COX18: variants seen among roughly 807,000 people sequenced by gnomAD.
COX18 encodes the protein cytochrome c oxidase assembly factor COX18.
Under a neutral mutation model 38.0 loss-of-function variants are expected in COX18, and 45 were observed. The observed-to-expected ratio is 1.18, with a 90% CI of 0.93 to 1.52. COX18 has a LOEUF of 1.52. Ranked by LOEUF, COX18 falls within the 40% of genes most tolerant of loss-of-function variation. The pLI is 0.00. For missense variants in COX18, 462 were observed against 423.8 expected, an observed-to-expected ratio of 1.09 and a Z score of -0.79; for synonymous variants, 177 against 169.8, an observed-to-expected ratio of 1.04 and a Z score of -0.33.
At chr4:73,061,637 G>C (rs1720160312) in intron 5 of COX18, among the ~76,000 whole-genome samples, 176 bp downstream of exon 5, 1 of 151,130 alleles carries the variant, frequency 6.6e-6, no homozygotes, top group Non-Finnish European at 1.5e-5. Context: ...GAACCCAGGA[G>C]GCGGAGCTTG....
Position 73,057,239 on chromosome 4 carries a change from C to T in COX18, c.*875G>A, listed in dbSNP as rs1719939863. The stretch of plus-strand genomic sequence containing the variant: ...GTCAGCAGTTCCAGACCAGCCTGTC[C>T]AACATGGTGAAACCCCATCTCTACT... On this transcript the variant is annotated 3_prime_UTR_variant, in exon 6 of 6. Coordinates refer to ENST00000507544, the MANE Select transcript of COX18 (RefSeq NM_001297732.2). 1 of 152,084 alleles carries T rather than the reference C, an allele frequency of 6.6e-6. No individual in the cohort carries two copies. Among genetic ancestry groups the T allele is most frequent in the Admixed American group, 6.6e-5 (1 of 15,250 alleles). 9.4% of individuals were successfully genotyped at this position (152,084 alleles called of 1,614,324 possible). A position where few individuals can be genotyped will look rare whatever the true frequency, so the allele number is the denominator to read the frequency against.
chr4:73,065,780 C>T (rs1021288387), intron 2 of COX18, among the ~76,000 whole-genome samples: 4 of 152,164 alleles, frequency 2.6e-5, no homozygotes, highest in African/African-American at 9.7e-5. Context: ...CTCTCCACTC[C>T]CGCCAAACTT....
chr4:73,065,494 C>T (rs1230585968), intron 2 of COX18, 81 bp from the exon 3 acceptor site: 13 of 1,227,696 alleles, frequency 1.1e-5, no homozygotes, highest in South Asian at 8.4e-5. Context: ...GCACAAATAG[C>T]GCCTGCTGTA....
chr4:73,067,669 C>T (rs1288139450), intron 2 of COX18, among the ~76,000 whole-genome samples: 3 of 150,014 alleles, frequency 2.0e-5, no homozygotes, highest in Non-Finnish European at 3.0e-5. Context: ...GGAGAAACCC[C>T]ATCTCTACTA....
intron 5 of COX18, among the ~76,000 whole-genome samples, chr4:73,059,837 C>T (rs1246338306): frequency 1.3e-5 from 2 of 151,982 alleles, no homozygotes; most frequent in Non-Finnish European, 2.9e-5. Context: ...CTATAAGTTG[C>T]CAGCTAAGTA....
At chr4:73,065,142 A>G (rs1720372012) in intron 3 of COX18, 108 bp downstream of exon 3, 2 of 1,089,312 alleles carry the variant, frequency 1.8e-6, no homozygotes, top group African/African-American at 3.2e-5. Flanking sequence ...TAAGGAAGAT[A>G]GTAAACATAT....
chr4:73,061,581 G>A (rs1167071557), intron 5 of COX18, among the ~76,000 whole-genome samples: 2 of 152,016 alleles, frequency 1.3e-5, no homozygotes, highest in African/African-American at 2.4e-5. Flanking sequence ...GGTGGCAGGC[G>A]CCTGTAGTCC....
Position 73,054,348 on chromosome 4 carries a change from A to C in COX18, c.*3766T>G, listed in dbSNP as rs1163453978. The stretch of plus-strand genomic sequence containing the variant: ...CTTGCAATTTTCTGAAATACAATAC[A>C]GATTTTTTGCTCTTTACTAAAAAAA... On this transcript the variant is annotated 3_prime_UTR_variant, in exon 6 of 6. Transcript: ENST00000507544. 6.6e-6 allele frequency: 1 copy of C among 152,228 alleles called. No individual in the cohort carries two copies. Among genetic ancestry groups the C allele is most frequent in the African/African-American group, 2.4e-5 (1 of 41,456 alleles). The allele number at this position is 152,228 out of a possible 1,614,324, so 9.4% of individuals were successfully genotyped here. A position where few individuals can be genotyped will look rare whatever the true frequency, so the allele number is the denominator to read the frequency against.
intron 5 of COX18, 63 bp downstream of exon 5, chr4:73,061,750 C>T: frequency 1.1e-6 from 1 of 888,956 alleles, no homozygotes; most frequent in Non-Finnish European, 1.8e-6. Context: ...GGATCCCAGC[C>T]AGTCTAAGCT....
chr4:73,069,416 C>A lies in COX18; in HGVS notation c.234G>T (p.Thr78=). 6.4e-7 allele frequency: 1 copy of A among 1,571,502 alleles called. No homozygotes were observed. The highest frequency in any genetic ancestry group is 1.3e-5 in the African/African-American group (1 of 74,192). ...EEVLLGVHAA[T]GLPWWGSILL... is the part of the protein sequence containing the mutation. The stretch of plus-strand genomic sequence containing the variant: ...GAATGCTGCCCCACCAGGGCAGGCC[C>A]GTGGCGGCGTGCACGCCGAGCAGTA... The change falls in exon 1 of 6, where the codon ACG becomes ACT. Residue 78 remains threonine, a synonymous_variant. Coordinates refer to ENST00000507544, the MANE Select transcript of COX18 (RefSeq NM_001297732.2).
chr4:73,068,797 G>C (rs772139911), intron 1 of COX18: 2 of 153,310 alleles, frequency 1.3e-5, no homozygotes, highest in African/African-American at 2.4e-5. Flanking sequence ...TCAGAAAAAA[G>C]GATTCAGCAT....
At chr4:73,062,730 G>T (rs1720236772) in intron 4 of COX18, among the ~76,000 whole-genome samples, 1 of 151,612 alleles carries the variant, frequency 6.6e-6, no homozygotes, top group Non-Finnish European at 1.5e-5. Flanking sequence ...CTATTCAGGA[G>T]GGAGGCTGAG....
Position 73,053,657 on chromosome 4 carries a change from T to G in COX18, c.*4457A>C, listed in dbSNP as rs546035323. The stretch of plus-strand genomic sequence containing the variant: ...GAAGATATGGTCTTTAGCTCTTAAG[T>G]GCTGTTAAAGGTACCTGAAAAGTCT... On this transcript the variant is annotated 3_prime_UTR_variant, in exon 6 of 6. Coordinates refer to ENST00000507544, the MANE Select transcript of COX18 (RefSeq NM_001297732.2). The G allele has an allele frequency of 6.6e-6, 1 of 152,194 alleles. No homozygotes were observed. Among genetic ancestry groups the G allele is most frequent in the South Asian group, 2.1e-4 (1 of 4,828 alleles). 9.4% of individuals were successfully genotyped at this position (152,194 alleles called of 1,614,324 possible). A position where few individuals can be genotyped will look rare whatever the true frequency, so the allele number is the denominator to read the frequency against.
rs11455318 is a variant in COX18 at position 73,054,092 on chromosome 4, T to TG, written c.*4021dup. ...ACGAGAAGGGTGGGTAACACCCCTG[T>TG]GGGGAAGGGTAACACAAACATTACA... is the stretch of plus-strand genomic sequence containing the variant. On this transcript the variant is annotated 3_prime_UTR_variant, in exon 6 of 6. Coordinates refer to ENST00000507544, the MANE Select transcript of COX18 (RefSeq NM_001297732.2). 67,410 of 151,936 alleles carry TG rather than the reference T, an allele frequency of 0.44. 15,116 individuals are homozygous for TG. The highest frequency in any genetic ancestry group is 0.52 in the Admixed American group (7,880 of 15,264). 9.4% of individuals were successfully genotyped at this position (151,936 alleles called of 1,614,324 possible).
In COX18 at chr4:73,067,882, TATAA is replaced by T. The variant is rs1292227890; in HGVS notation, c.434+143_434+146del. 6.0e-4 allele frequency: 73 copies of T among 121,980 alleles called. 3 individuals carry two copies. Among genetic ancestry groups the T allele is most frequent in the Middle Eastern group, 4.2e-3 (1 of 240 alleles). The allele number at this position is 121,980 out of a possible 1,614,324, so 7.6% of individuals were successfully genotyped here. On this transcript the variant is annotated intron_variant, in intron 2 of 5. Transcript: ENST00000507544. ...AAAAAAAAATATATATATATATATATATAAAAAAAGAAATACTTTACTGCCAAAA... is the reference window on the plus strand; with the variant it reads ...AAAAAAAAATATATATATATATATATAAAAAGAAATACTTTACTGCCAAAA...
intron 4 of COX18, among the ~76,000 whole-genome samples, chr4:73,063,629 T>C (rs572537115): frequency 6.6e-6 from 1 of 152,218 alleles, no homozygotes; most frequent in Admixed American, 6.5e-5. Context: ...CACTGTAACC[T>C]TGTGCTTATC....
At position 73,056,954 on chromosome 4, in the gene COX18, C is replaced by T. The variant is rs1299942196; in HGVS notation, c.*1160G>A. 1 of 151,930 alleles carries T rather than the reference C, an allele frequency of 6.6e-6. No individual in the cohort carries two copies. The highest frequency in any genetic ancestry group is 1.9e-4 in the East Asian group (1 of 5,176). The allele number at this position is 151,930 out of a possible 1,614,324, so 9.4% of individuals were successfully genotyped here. On this transcript the variant is annotated 3_prime_UTR_variant, in exon 6 of 6. Coordinates refer to ENST00000507544, the MANE Select transcript of COX18 (RefSeq NM_001297732.2). ...TAGCCAACATGGTGAAATCCCATCT[C>T]TACTAAAAATACAAAACTTAGCTGG...
In COX18 at chr4:73,058,179, C is replaced by CT. The variant is rs781569142; in HGVS notation, c.939dup (p.Asp314ArgfsTer7). ...ATGTCTTTATAAGGAGTTTCTGAAT[C>CT]TGACTTGGTCGATGGTATTCGGCAA... On this transcript the variant is annotated frameshift_variant, in exon 6 of 6. Transcript: ENST00000507544. LOFTEE classifies it high-confidence loss of function. The CT allele has an allele frequency of 1.9e-6, 3 of 1,613,426 alleles. No homozygotes were observed. The highest frequency in any genetic ancestry group is 2.5e-6 in the Non-Finnish European group (3 of 1,179,700).
intron 4 of COX18, 78 bp downstream of exon 4, chr4:73,064,699 CA>C: frequency 6.5e-7 from 1 of 1,534,562 alleles, no homozygotes; most frequent in Non-Finnish European, 8.9e-7. Flanking sequence ...CCAACTCAAA[CA>C]AAAACAGATT....
Sources: gnomAD v4.1 joint callset for allele counts (sites outside exome capture counted in the v4.1 genomes callset) on GRCh38, gnomAD v4.1.1 for gene constraint, MANE v1.5 for transcripts, NCBI Gene and HGNC (gene_info 2026-07-23, HGNC 2026-07-21) for gene names.